The following SUGT1 variants were observed in gnomAD, a reference collection of about 807,000 sequenced individuals.
The protein encoded by SUGT1 is protein SGT1 homolog.
Under a neutral mutation model 56.1 loss-of-function variants are expected in SUGT1, and 15 were observed. That is an observed-to-expected ratio of 0.27 (90% confidence interval 0.18 to 0.41). SUGT1 has a LOEUF of 0.41. SUGT1 is among the 10% of genes least tolerant of loss of function. SUGT1 has a pLI of 1.00. For synonymous variants in SUGT1, 123 were observed against 128.6 expected (o/e 0.96, Z 0.30); for missense variants, 347 against 382.2 (o/e 0.91, Z 0.77).
At chr13:52,681,415 CAAAAAAAA>C (rs201016706) in intron 12 of SUGT1, among the ~76,000 whole-genome samples, 1 of 90,938 alleles carries the variant, frequency 1.1e-5, no homozygotes, top group African/African-American at 4.2e-5. Flanking sequence ...GACCCTGTCT[CAAAAAAAA>C]AAAAAAAGTC....
At chr13:52,663,277 A>G (rs533351728) in intron 7 of SUGT1, among the ~76,000 whole-genome samples, 165 bp downstream of exon 7, 3 of 152,170 alleles carry the variant, frequency 2.0e-5, no homozygotes, top group Non-Finnish European at 4.4e-5. Context: ...TTTTTGATAA[A>G]TATAGAAGTT....
intron 3 of SUGT1, chr13:52,658,124 A>G: frequency 7.4e-7 from 1 of 1,342,488 alleles, no homozygotes; most frequent in Non-Finnish European, 9.6e-7. Flanking sequence ...CTTGAGTAAA[A>G]TTACATAGAA....
intron 3 of SUGT1, 39 bp downstream of exon 3, chr13:52,657,661 A>G (rs1222489127): frequency 1.3e-6 from 2 of 1,548,636 alleles, no homozygotes; most frequent in South Asian, 1.2e-5. Context: ...CCTTTTAATA[A>G]GTTACTTATA....
chr13:52,659,633 A>AGAAGT (rs1450959268), intron 5 of SUGT1, among the ~76,000 whole-genome samples: 1 of 151,614 alleles, frequency 6.6e-6, no homozygotes, highest in East Asian at 1.9e-4. Flanking sequence ...GTTTTTATGG[A>AGAAGT]GAAGTGAAGT....
At position 52,689,636 on chromosome 13, in the gene SUGT1, C is replaced by G. The variant is rs1414535091; in HGVS notation, c.*1801C>G. The G allele has an allele frequency of 6.6e-6, 1 of 152,072 alleles. No individual in the cohort carries two copies. Among genetic ancestry groups the G allele is most frequent in the African/African-American group, 2.4e-5 (1 of 41,416 alleles). 9.4% of individuals were successfully genotyped at this position (152,072 alleles called of 1,614,324 possible). A position where few individuals can be genotyped will look rare whatever the true frequency, so the allele number is the denominator to read the frequency against. ...TTCTAAATACAGAAGCATATTTTTGCCGCTTAACTTTTTCTTTCTTAAAGA... is the reference window on the plus strand; with the variant it reads ...TTCTAAATACAGAAGCATATTTTTGGCGCTTAACTTTTTCTTTCTTAAAGA... On this transcript the variant is annotated 3_prime_UTR_variant, in exon 13 of 13. Transcript: ENST00000310528.
intron 11 of SUGT1, among the ~76,000 whole-genome samples, chr13:52,678,607 A>G (rs539020012): frequency 2.2e-4 from 33 of 152,198 alleles, no homozygotes; most frequent in Middle Eastern, 3.4e-3. Context: ...ATGATGTGCT[A>G]TGTGAAATAT....
At chr13:52,670,206 A>G (rs907204602) in intron 10 of SUGT1, among the ~76,000 whole-genome samples, 1 of 152,230 alleles carries the variant, frequency 6.6e-6, no homozygotes, top group Non-Finnish European at 1.5e-5. Flanking sequence ...TGATGAAAGT[A>G]GTAAGAGGTA....
In SUGT1 at chr13:52,693,632, C is replaced by T. The variant is rs1015415107; in HGVS notation, c.*5797C>T. 2 of 151,730 alleles carry T rather than the reference C, an allele frequency of 1.3e-5. No homozygotes were observed. The highest frequency in any genetic ancestry group is 4.9e-5 in the African/African-American group (2 of 41,038). 9.4% of individuals were successfully genotyped at this position (151,730 alleles called of 1,614,324 possible). On this transcript the variant is annotated 3_prime_UTR_variant, in exon 13 of 13. Transcript: ENST00000310528. ...GTAAAGGAGATAATAGGATCCCCCT[C>T]ATGCCTCATGGTCTTAGTTGAATGA...
intron 7 of SUGT1, among the ~76,000 whole-genome samples, chr13:52,663,703 G>A (rs950734080): frequency 5.3e-5 from 8 of 152,246 alleles, no homozygotes; most frequent in African/African-American, 1.9e-4. Flanking sequence ...CTGAATCTTA[G>A]AACTGGCCAT....
chr13:52,653,452 G>A (rs1362680197), intron 2 of SUGT1, among the ~76,000 whole-genome samples: 1 of 151,916 alleles, frequency 6.6e-6, no homozygotes, highest in Non-Finnish European at 1.5e-5. Context: ...TAATTTTTTC[G>A]TTTGACAATA....
intron 11 of SUGT1, 95 bp downstream of exon 11, chr13:52,676,415 T>G: frequency 9.4e-7 from 1 of 1,059,002 alleles, no homozygotes; most frequent in Non-Finnish European, 1.3e-6. Flanking sequence ...TCATTATTTA[T>G]GTTCTCAAGA....
At chr13:52,676,565 A>T (rs1172226096) in intron 11 of SUGT1, among the ~76,000 whole-genome samples, 2 of 152,330 alleles carry the variant, frequency 1.3e-5, no homozygotes, top group Middle Eastern at 3.4e-3. Context: ...ATTGTTTACC[A>T]TGTAAAGTTT....
rs200661135 is a variant in SUGT1, at chr13:52,653,055, G to C, written c.48G>C (p.Gln16His). The C allele has an allele frequency of 1.4e-5, 23 of 1,614,026 alleles. No homozygotes were observed. The highest frequency in any genetic ancestry group is 1.8e-5 in the Non-Finnish European group (21 of 1,180,034). Residue 16 changes from glutamine to histidine, a missense_variant, in exon 2 of 13, where the codon CAG (glutamine) becomes CAC (histidine). Gln to His is a conservative substitution (Grantham distance 24). Coordinates refer to ENST00000310528, the MANE Select transcript of SUGT1 (RefSeq NM_006704.5). ...GTTGTTTTCCTGACAGGTTTTTCCA[G>C]AGCTTCTCGGATGCCCTAATCGACG... ...AGTATSQRFF[Q>H]SFSDALIDED...
Position 52,679,956 on chromosome 13 carries a change from C to T in SUGT1, c.719-18C>T. ...GAAACATGTTGATTAATTACTTCTG[C>T]CTTTTTTTACTTCATAGATGTAAAG... is the stretch of plus-strand genomic sequence containing the variant. On this transcript the variant is annotated intron_variant, in intron 11 of 12. Transcript: ENST00000310528. 1.3e-6 allele frequency: 2 copies of T among 1,567,976 alleles called. No individual in the cohort carries two copies. The highest frequency in any genetic ancestry group is 1.7e-4 in the Middle Eastern group (1 of 5,736).
In SUGT1 at chr13:52,700,231, C is replaced by G. The variant is rs1314288971; in HGVS notation, c.*12396C>G. The G allele has an allele frequency of 1.3e-5, 2 of 152,092 alleles. No homozygotes were observed. Among genetic ancestry groups the G allele is most frequent in the African/African-American group, 4.8e-5 (2 of 41,392 alleles). The allele number at this position is 152,092 out of a possible 1,614,324, so 9.4% of individuals were successfully genotyped here. The stretch of plus-strand genomic sequence containing the variant: ...ATAACATACACCCAAATAAAGACTG[C>G]TATGTATTTGACTTTAAAACTATAA... On this transcript the variant is annotated 3_prime_UTR_variant, in exon 13 of 13. Transcript: ENST00000310528.
At chr13:52,664,357 G>A (rs1962590928) in intron 8 of SUGT1, among the ~76,000 whole-genome samples, 1 of 152,114 alleles carries the variant, frequency 6.6e-6, no homozygotes, top group East Asian at 1.9e-4. Context: ...TACTACACAG[G>A]TAAACAAGTT....
chr13:52,682,622 C>T (rs1963421491), intron 12 of SUGT1, among the ~76,000 whole-genome samples: 1 of 152,188 alleles, frequency 6.6e-6, no homozygotes, highest in African/African-American at 2.4e-5. Context: ...TATCTTTTCT[C>T]ATTGAATTGC....
chr13:52,660,804 A>T (rs1962407185), intron 5 of SUGT1, among the ~76,000 whole-genome samples: 1 of 152,052 alleles, frequency 6.6e-6, no homozygotes, highest in Non-Finnish European at 1.5e-5. Flanking sequence ...CTACATTTTC[A>T]TTTTTCTTTC....
At chr13:52,685,010 C>T (rs1376160900) in intron 12 of SUGT1, among the ~76,000 whole-genome samples, 3 of 151,488 alleles carry the variant, frequency 2.0e-5, no homozygotes, top group African/African-American at 7.3e-5. Flanking sequence ...TTTGCCACCA[C>T]GTCATTTCTT....
Sources: gnomAD v4.1 joint callset for allele counts (sites outside exome capture counted in the v4.1 genomes callset) on GRCh38, gnomAD v4.1.1 for gene constraint, MANE v1.5 for transcripts, NCBI Gene and HGNC (gene_info 2026-07-23, HGNC 2026-07-21) for gene names.